CNTN4: variants seen among roughly 807,000 people sequenced by gnomAD.
CNTN4 encodes contactin 4.
In CNTN4, 77 loss-of-function variants were observed where a neutral mutation model predicts 122.5. That is an observed-to-expected ratio of 0.63 (90% CI 0.52 to 0.76). The LOEUF (loss-of-function observed/expected upper bound fraction) is 0.76, where lower values mean the gene tolerates loss of function less well. Ranked by LOEUF, CNTN4 falls within the 30% of genes least tolerant of loss-of-function variation. The pLI, the probability that CNTN4 is intolerant of heterozygous loss-of-function variation, is 0.00. For synonymous variants in CNTN4, 512 were observed against 447.0 expected (o/e 1.15, Z -1.83); for missense variants, 1,256 against 1,259.1 (o/e 1.00, Z 0.04).
At chr3:2,627,554 C>CA (rs1559321551) in intron 4 of CNTN4, among the ~76,000 whole-genome samples, 3 of 141,540 alleles carry the variant, frequency 2.1e-5, no homozygotes, top group Non-Finnish European at 4.5e-5. Flanking sequence ...AGTGTAGTAG[C>CA]GCAATCTCGG....
chr3:2,726,487 TGAG>T (rs2088232693), intron 4 of CNTN4, among the ~76,000 whole-genome samples: 1 of 152,180 alleles, frequency 6.6e-6, no homozygotes, highest in South Asian at 2.1e-4. Context: ...TCTTACCTAA[TGAG>T]GAGCAGTGGA....
chr3:2,728,884 C>T (rs972217466), intron 4 of CNTN4, among the ~76,000 whole-genome samples: 1 of 152,130 alleles, frequency 6.6e-6, no homozygotes, highest in Non-Finnish European at 1.5e-5. Context: ...TCAAATAGCC[C>T]ATTTGATGTC....
intron 4 of CNTN4, among the ~76,000 whole-genome samples, chr3:2,655,128 T>C (rs2083529220): frequency 6.6e-6 from 1 of 152,204 alleles, no homozygotes; most frequent in Admixed American, 6.5e-5. Context: ...AATCCTGATA[T>C]TTCAAGGAAT....
At chr3:2,816,173 T>C (rs1219209938) in intron 6 of CNTN4, among the ~76,000 whole-genome samples, 1 of 151,162 alleles carries the variant, frequency 6.6e-6, no homozygotes, top group Admixed American at 6.6e-5. Flanking sequence ...GCTAACACGG[T>C]GAAACCCCGT....
At chr3:2,170,190 G>GA (rs897307328) in intron 2 of CNTN4, among the ~76,000 whole-genome samples, 11 of 116,618 alleles carry the variant, frequency 9.4e-5, no homozygotes, top group Non-Finnish European at 1.5e-4. Flanking sequence ...GCGTGGTGGC[G>GA]GCGCCTGTAG....
At chr3:2,405,148 T>C (rs2046987663) in intron 3 of CNTN4, among the ~76,000 whole-genome samples, 1 of 152,182 alleles carries the variant, frequency 6.6e-6, no homozygotes, top group Admixed American at 6.6e-5. Flanking sequence ...CCTATGAGAT[T>C]ATCATCCAGT....
chr3:2,808,635 A>G (rs1249123075), intron 6 of CNTN4, among the ~76,000 whole-genome samples: 1 of 152,132 alleles, frequency 6.6e-6, no homozygotes, highest in Admixed American at 6.5e-5. Flanking sequence ...TCATGTTTTC[A>G]TCATCTCTGG....
intron 7 of CNTN4, among the ~76,000 whole-genome samples, chr3:2,843,762 G>A (rs1288072126): frequency 6.6e-6 from 1 of 152,146 alleles, no homozygotes; most frequent in African/African-American, 2.4e-5. Context: ...TACCAGCACT[G>A]TGTTTCCTGT....
chr3:2,352,478 C>A (rs2150456580), intron 3 of CNTN4, among the ~76,000 whole-genome samples: 1 of 152,342 alleles, frequency 6.6e-6, no homozygotes, highest in African/African-American at 2.4e-5. Flanking sequence ...ACGGGCCCCA[C>A]ACTCAGAGTG....
chr3:2,332,418 T>C (rs142638989), intron 2 of CNTN4, among the ~76,000 whole-genome samples: 99 of 152,206 alleles, frequency 6.5e-4, no homozygotes, highest in African/African-American at 2.1e-3. Flanking sequence ...AGTCTTTTCT[T>C]TAATTTCCCC....
chr3:2,663,488 G>A (rs2084004002), intron 4 of CNTN4, among the ~76,000 whole-genome samples: 1 of 146,850 alleles, frequency 6.8e-6, no homozygotes, highest in African/African-American at 2.5e-5. Flanking sequence ...AATTTGGTAA[G>A]TGGGAGGAAC....
chr3:2,800,188 G>T (rs935282714), intron 6 of CNTN4, among the ~76,000 whole-genome samples: 1 of 151,474 alleles, frequency 6.6e-6, no homozygotes, highest in African/African-American at 2.4e-5. Context: ...AATGACATCG[G>T]TATTTTGATA....
chr3:2,796,615 C>A (rs1035764691), intron 6 of CNTN4, among the ~76,000 whole-genome samples: 1 of 152,122 alleles, frequency 6.6e-6, no homozygotes, highest in African/African-American at 2.4e-5. Context: ...TAGGCTAGTA[C>A]CACTGTTATG....
intron 2 of CNTN4, among the ~76,000 whole-genome samples, chr3:2,221,117 A>T (rs372366294): frequency 6.6e-6 from 1 of 152,104 alleles, no homozygotes; most frequent in African/African-American, 2.4e-5. Context: ...GAGGTATCAT[A>T]TGTAATTGAC....
At chr3:2,606,959 C>T (rs927241637) in intron 4 of CNTN4, among the ~76,000 whole-genome samples, 1 of 152,136 alleles carries the variant, frequency 6.6e-6, no homozygotes, top group Non-Finnish European at 1.5e-5. Flanking sequence ...CAGATGCTAG[C>T]TCTATTCTTT....
intron 4 of CNTN4, among the ~76,000 whole-genome samples, chr3:2,684,133 A>T (rs189366802): frequency 6.6e-6 from 1 of 152,282 alleles, no homozygotes; most frequent in Non-Finnish European, 1.5e-5. Flanking sequence ...TCCAGTGTAT[A>T]TATAGGAGTC....
At chr3:2,769,899 A>G (rs1446674906) in intron 6 of CNTN4, among the ~76,000 whole-genome samples, 1 of 152,172 alleles carries the variant, frequency 6.6e-6, no homozygotes, top group Non-Finnish European at 1.5e-5. Context: ...CTCTTATGGC[A>G]TTCCCTAGAG....
intron 3 of CNTN4, among the ~76,000 whole-genome samples, chr3:2,511,035 G>C (rs1012620547): frequency 1.3e-5 from 2 of 152,088 alleles, no homozygotes; most frequent in Non-Finnish European, 1.5e-5. Flanking sequence ...TGTCCCCAAA[G>C]ACTGACTCTG....
rs561101634 is a variant in CNTN4 at position 3,052,987 on chromosome 3, A to C, written c.2812-820A>C. 2.0e-5 allele frequency among the ~76,000 whole-genome samples: 3 copies of C among 152,302 alleles called. No homozygotes were observed. The South Asian group carries it at 6.2e-4, about 32-fold the overall frequency. On this transcript the variant is annotated intron_variant, in intron 23 of 24. Coordinates refer to ENST00000418658, the MANE Select transcript of CNTN4 (RefSeq NM_175607.3). The stretch of plus-strand genomic sequence containing the variant: ...AGCCTTCAGAGATACTATTTCTTAC[A>C]TGCTTCCTCTAAGCTAGGCCATCAC...
Sources: allele counts gnomAD v4.1 joint callset (sites outside exome capture counted in the v4.1 genomes callset), GRCh38; gene constraint gnomAD v4.1.1; transcripts MANE v1.5; gene names NCBI Gene and HGNC (gene_info 2026-07-23, HGNC 2026-07-21).